SESTD1: variants seen among roughly 807,000 people sequenced by gnomAD.
SESTD1 encodes the protein SEC14 domain and spectrin repeat-containing protein 1.
A neutral mutation model predicts 101.7 loss-of-function variants in SESTD1; 43 were observed. The observed-to-expected ratio is 0.42, with a 90% CI of 0.33 to 0.55. The LOEUF is 0.55. Ranked by LOEUF, SESTD1 falls within the 20% of genes least tolerant of loss-of-function variation. The pLI, the probability that SESTD1 is intolerant of heterozygous loss-of-function variation, is 0.07. For missense variants in SESTD1, 647 were observed against 815.1 expected (o/e 0.79, Z 2.51); for synonymous variants, 283 against 286.8 (o/e 0.99, Z 0.13).
intron 1 of SESTD1, among the ~76,000 whole-genome samples, chr2:179,198,546 T>A (rs556294939): frequency 6.6e-6 from 1 of 152,220 alleles, no homozygotes; most frequent in South Asian, 2.1e-4. Context: ...ATTGACCACA[T>A]ACTTGGAAGT....
rs2044465896 is a variant in SESTD1 at position 179,109,773 on chromosome 2, G to A, written c.*126C>T. The A allele has an allele frequency of 3.3e-6, 4 of 1,220,936 alleles. No homozygotes were observed. Among genetic ancestry groups the A allele is most frequent in the Non-Finnish European group, 4.6e-6 (4 of 876,656 alleles). The allele number at this position is 1,220,936 out of a possible 1,614,324, so 75.6% of individuals were successfully genotyped here. A position where few individuals can be genotyped will look rare whatever the true frequency, so the allele number is the denominator to read the frequency against. On this transcript the variant is annotated 3_prime_UTR_variant, in exon 18 of 18. Coordinates refer to ENST00000428443, the MANE Select transcript of SESTD1 (RefSeq NM_178123.5). ...AAGGTGTTAACATGTAAAGAGAAAT[G>A]TGTCATGAAAAGAAATGAGACTTAT...
chr2:179,191,838 C>T lies in SESTD1; in HGVS notation c.4G>A (p.Glu2Lys), dbSNP rs1280926089. ...AGAATGGGTAATATTACTGAGGCCT[C>T]CATTTTACTCCAGTGAACTTCCTTA... Reference protein sequence around the residue: MEASVILPILKK... With the variant: MKASVILPILKK... Residue 2 changes from glutamate to lysine, a missense_variant, in exon 2 of 18, where the codon GAG (glutamate) becomes AAG (lysine). Physicochemically the swap from Glu to Lys is moderately conservative, Grantham distance 56. This residue lies in a region of SESTD1 where 168 missense variants were observed against 235.1 expected (regional missense o/e 0.71). Coordinates refer to ENST00000428443, the MANE Select transcript of SESTD1 (RefSeq NM_178123.5). 12 of 1,611,450 alleles carry T rather than the reference C, an allele frequency of 7.4e-6. No individual in the cohort carries two copies. Among genetic ancestry groups the T allele is most frequent in the Non-Finnish European group, 1.0e-5 (12 of 1,178,510 alleles).
intron 15 of SESTD1, 135 bp downstream of exon 15, chr2:179,116,533 T>C (rs754245854): frequency 7.0e-7 from 1 of 1,425,960 alleles, no homozygotes; most frequent in Admixed American, 1.7e-5. Flanking sequence ...CCAGCTGACA[T>C]TTTCTTAATT....
intron 5 of SESTD1, among the ~76,000 whole-genome samples, chr2:179,169,501 G>C (rs1178125667): frequency 6.6e-6 from 1 of 152,036 alleles, no homozygotes; most frequent in Non-Finnish European, 1.5e-5. Context: ...GTTGGAGGTT[G>C]CAATATTCCT....
rs971993370 is a variant in SESTD1, at chr2:179,102,163, G to A, written c.*7736C>T. The A allele has an allele frequency of 3.3e-5, 5 of 152,246 alleles. No individual in the cohort carries two copies. Among genetic ancestry groups the A allele is most frequent in the African/African-American group, 1.2e-4 (5 of 41,544 alleles). 9.4% of individuals were successfully genotyped at this position (152,246 alleles called of 1,614,324 possible). On this transcript the variant is annotated 3_prime_UTR_variant, in exon 18 of 18. Coordinates refer to ENST00000428443, the MANE Select transcript of SESTD1 (RefSeq NM_178123.5). Reference sequence around the variant, plus strand: ...GGTGAGAACCTATTTCTGACAACATGAGACGTAGAGAAAGCACTGAACTTC... The same window carrying A: ...GGTGAGAACCTATTTCTGACAACATAAGACGTAGAGAAAGCACTGAACTTC...
chr2:179,174,594 A>G, intron 4 of SESTD1: 1 of 373,296 alleles, frequency 2.7e-6, no homozygotes, highest in Non-Finnish European at 5.4e-6. Flanking sequence ...AAAGTGCTGG[A>G]AGCACTTTTT....
intron 3 of SESTD1, among the ~76,000 whole-genome samples, chr2:179,177,427 C>G (rs559398225): frequency 6.6e-6 from 1 of 152,290 alleles, no homozygotes; most frequent in East Asian, 1.9e-4. Flanking sequence ...CCCATCCAAA[C>G]TGTTCCCAGT....
At position 179,243,961 on chromosome 2, in the gene SESTD1, T is replaced by TATATAC. The variant is rs1281884209; in HGVS notation, c.-26+20537_-26+20538insGTATAT. 1.1e-3 allele frequency among the ~76,000 whole-genome samples: 158 copies of TATATAC among 144,056 alleles called. No individual in the cohort carries two copies. In the South Asian group the frequency reaches 0.013, roughly 12 times the overall value. 94.5% of individuals were successfully genotyped at this position (144,056 alleles called of 152,430 possible). A position where few individuals can be genotyped will look rare whatever the true frequency, so the allele number is the denominator to read the frequency against. ...ATGTGTGTGTATATATATATATATA[T>TATATAC]ACACACACACACACACACACAAATG... On this transcript the variant is annotated intron_variant, in intron 1 of 17. Transcript: ENST00000428443.
chr2:179,166,453 A>T (rs2045836495), intron 5 of SESTD1, among the ~76,000 whole-genome samples: 1 of 152,194 alleles, frequency 6.6e-6, no homozygotes, highest in South Asian at 2.1e-4. Context: ...CAGGTGGAAG[A>T]AGGGAAAAGA....
chr2:179,262,302 T>C (rs558432346), intron 1 of SESTD1, among the ~76,000 whole-genome samples: 4 of 152,316 alleles, frequency 2.6e-5, no homozygotes, highest in South Asian at 4.1e-4. Flanking sequence ...TTTGTGAATA[T>C]ATTAAAACTA....
rs146013035 is a variant in SESTD1 at position 179,147,137 on chromosome 2, G to C, written c.582-680C>G. On this transcript the variant is annotated intron_variant, in intron 7 of 17. Transcript: ENST00000428443. ...ATCTAGGCCCTCAGATGCTTCCTGA[G>C]GATTGACATAAAGAAGGTTGAAAAA... Among the ~76,000 whole-genome samples, 642 of 143,140 alleles carry C rather than the reference G, an allele frequency of 4.5e-3. 2 individuals are homozygous for C. The highest frequency in any genetic ancestry group is 0.017 in the African/African-American group (594 of 35,532). The allele number at this position is 143,140 out of a possible 152,430, so 93.9% of individuals were successfully genotyped here.
In SESTD1 at chr2:179,109,100, T is replaced by C. The variant is rs1373745800; in HGVS notation, c.*799A>G. ...ATAGTATTCCATTATTAATAAGTTCTTAAAGATCTAAATTGTTCACAATAA... is the reference window on the plus strand; with the variant it reads ...ATAGTATTCCATTATTAATAAGTTCCTAAAGATCTAAATTGTTCACAATAA... On this transcript the variant is annotated 3_prime_UTR_variant, in exon 18 of 18. Transcript: ENST00000428443. The C allele has an allele frequency of 6.6e-6, 1 of 152,536 alleles. No individual in the cohort carries two copies. The highest frequency in any genetic ancestry group is 1.9e-4 in the East Asian group (1 of 5,198). The allele number at this position is 152,536 out of a possible 1,614,324, so 9.4% of individuals were successfully genotyped here. A position where few individuals can be genotyped will look rare whatever the true frequency, so the allele number is the denominator to read the frequency against.
At chr2:179,219,488 G>T (rs1574044752) in intron 1 of SESTD1, among the ~76,000 whole-genome samples, 1 of 152,204 alleles carries the variant, frequency 6.6e-6, no homozygotes, top group Non-Finnish European at 1.5e-5. Flanking sequence ...AGGCCCTTTG[G>T]CCTTGCATTT....
chr2:179,174,875 G>A (rs554781833), intron 4 of SESTD1, among the ~76,000 whole-genome samples: 4 of 151,602 alleles, frequency 2.6e-5, no homozygotes, highest in Non-Finnish European at 5.9e-5. Flanking sequence ...CCTGAGCCCA[G>A]GAGCTGGAGG....
intron 9 of SESTD1, among the ~76,000 whole-genome samples, chr2:179,137,389 AAG>A (rs1234162139): frequency 6.6e-6 from 1 of 152,226 alleles, no homozygotes; most frequent in Admixed American, 6.5e-5. Flanking sequence ...AACCTGGAGA[AAG>A]AGTATGGAGA....
rs1185803122 is a variant in SESTD1 at position 179,105,865 on chromosome 2, GTTC to G, written c.*4031_*4033del. 1 of 152,112 alleles carries G rather than the reference GTTC, an allele frequency of 6.6e-6. No individual in the cohort carries two copies. Among genetic ancestry groups the G allele is most frequent in the Non-Finnish European group, 1.5e-5 (1 of 68,000 alleles). The allele number at this position is 152,112 out of a possible 1,614,324, so 9.4% of individuals were successfully genotyped here. ...AACACTTTCCATTATATTCATTACA[GTTC>G]TTGTTTTAGCTGGTATGTTCTTTCC... On this transcript the variant is annotated 3_prime_UTR_variant, in exon 18 of 18. Coordinates refer to ENST00000428443, the MANE Select transcript of SESTD1 (RefSeq NM_178123.5).
chr2:179,121,727 TTG>T, intron 13 of SESTD1, 41 bp downstream of exon 13: 1 of 1,479,782 alleles, frequency 6.8e-7, no homozygotes, highest in Non-Finnish European at 9.0e-7. Context: ...TTAACTAATA[TTG>T]TTATTATTTT....
intron 1 of SESTD1, among the ~76,000 whole-genome samples, chr2:179,244,475 CA>C (rs376053812): frequency 5.4e-4 from 74 of 135,850 alleles, no homozygotes; most frequent in Admixed American, 7.2e-4. Flanking sequence ...AACAAACCAA[CA>C]AAAAAAAAAA....
intron 1 of SESTD1, among the ~76,000 whole-genome samples, chr2:179,233,753 G>A (rs575244376): frequency 3.3e-5 from 5 of 152,244 alleles, no homozygotes; most frequent in Non-Finnish European, 5.9e-5. Flanking sequence ...CACATCCATC[G>A]TATTCATAGT....
Sources: allele counts gnomAD v4.1 joint callset (sites outside exome capture counted in the v4.1 genomes callset), GRCh38; gene constraint gnomAD v4.1.1; regional missense constraint gnomAD v4.1.1; transcripts MANE v1.5; gene names NCBI Gene and HGNC (gene_info 2026-07-23, HGNC 2026-07-21).